Variants in PLEKHA4 observed in about 807,000 individuals in gnomAD.
PLEKHA4 encodes pleckstrin homology domain containing A4.
Under a neutral mutation model 94.7 loss-of-function variants are expected in PLEKHA4, and 73 were observed. That is an observed-to-expected ratio of 0.77 (90% CI 0.64 to 0.94). The LOEUF is 0.94. PLEKHA4 is among the 40% of genes least tolerant of loss of function. The pLI is 0.00. For synonymous variants in PLEKHA4, 449 were observed against 437.1 expected (o/e 1.03, Z -0.34); for missense variants, 1,049 against 1,054.1 (o/e 1.00, Z 0.07).
intron 12 of PLEKHA4, among the ~76,000 whole-genome samples, 198 bp downstream of exon 12, chr19:48,853,484 G>A (rs2036280517): frequency 1.4e-5 from 2 of 144,362 alleles, no homozygotes; most frequent in African/African-American, 5.6e-5. Flanking sequence ...GGGCGACAGA[G>A]CAAGACTCTG....
chr19:48,839,540 A>G (rs578110177), intron 17 of PLEKHA4, among the ~76,000 whole-genome samples: 42 of 152,168 alleles, frequency 2.8e-4, no homozygotes, highest in African/African-American at 9.6e-4. Flanking sequence ...CAGCCTCCTG[A>G]GTAAATAGAA....
In PLEKHA4 at chr19:48,844,804, CTTTTTTTT is replaced by C. The variant is rs149141709; in HGVS notation, c.1743+558_1743+565del. On this transcript the variant is annotated intron_variant, in intron 16 of 19. Transcript: ENST00000263265. The stretch of plus-strand genomic sequence containing the variant: ...CAGCATTCTGCTCCACTCAGGGTGT[CTTTTTTTT>C]TTTTTTTTTTTTTTTTTTTGAGACA... Among the ~76,000 whole-genome samples the C allele has an allele frequency of 7.1e-5, 5 of 70,838 alleles. 1 individual carries two copies. The highest frequency in any genetic ancestry group is 3.7e-4 in the Admixed American group (2 of 5,366). The allele number at this position is 70,838 out of a possible 152,430, so 46.5% of individuals were successfully genotyped here. A position where few individuals can be genotyped will look rare whatever the true frequency, so the allele number is the denominator to read the frequency against.
rs377304919 is a variant in PLEKHA4 at position 48,865,703 on chromosome 19, T to C, written c.85-93A>G. The C allele has an allele frequency of 2.2e-4, 179 of 812,306 alleles. 1 individual carries two copies. The highest frequency in any genetic ancestry group is 2.1e-3 in the South Asian group (127 of 60,654). The allele number at this position is 812,306 out of a possible 1,614,324, so 50.3% of individuals were successfully genotyped here. A position where few individuals can be genotyped will look rare whatever the true frequency, so the allele number is the denominator to read the frequency against. On this transcript the variant is annotated intron_variant, in intron 2 of 19. Transcript: ENST00000263265. ...GACACAGGCAACCGTAGGCTCTCGCTTGGCTGCCCTGAGAAATGGGTCAAG... is the reference window on the plus strand; with the variant it reads ...GACACAGGCAACCGTAGGCTCTCGCCTGGCTGCCCTGAGAAATGGGTCAAG...
intron 16 of PLEKHA4, 180 bp downstream of exon 16, chr19:48,845,190 G>T: frequency 1.6e-6 from 1 of 619,960 alleles, no homozygotes. Context: ...TTTAATAACT[G>T]ACCCAAAGTC....
intron 3 of PLEKHA4, among the ~76,000 whole-genome samples, chr19:48,864,118 C>G (rs1411509309): frequency 6.6e-6 from 1 of 152,052 alleles, no homozygotes; most frequent in Non-Finnish European, 1.5e-5. Context: ...CACTTGACAC[C>G]AAGGTTTTGC....
chr19:48,861,985 GGT>G (rs1445736870), intron 3 of PLEKHA4, among the ~76,000 whole-genome samples: 1 of 151,738 alleles, frequency 6.6e-6, no homozygotes, highest in Non-Finnish European at 1.5e-5. Flanking sequence ...AAATTAGCCA[GGT>G]GTGGTGGCGC....
intron 18 of PLEKHA4, chr19:48,838,353 C>G: frequency 3.0e-6 from 1 of 334,708 alleles, no homozygotes; most frequent in South Asian, 6.7e-5. Flanking sequence ...GGATGGATAC[C>G]CTATTCCCGA....
At chr19:48,866,875 G>A (rs901378349) in intron 2 of PLEKHA4, among the ~76,000 whole-genome samples, 10 of 152,246 alleles carry the variant, frequency 6.6e-5, no homozygotes, top group African/African-American at 2.2e-4. Flanking sequence ...AGTACAAGGA[G>A]AGGAAGCCTC....
intron 14 of PLEKHA4, 79 bp downstream of exon 14, chr19:48,847,821 G>A: frequency 6.9e-7 from 1 of 1,443,804 alleles, no homozygotes; most frequent in Non-Finnish European, 9.2e-7. Context: ...AAGAATTAAA[G>A]AGGTGGGTGG....
At chr19:48,839,753 A>G (rs2035679485) in intron 17 of PLEKHA4, among the ~76,000 whole-genome samples, 1 of 152,026 alleles carries the variant, frequency 6.6e-6, no homozygotes, top group Non-Finnish European at 1.5e-5. Context: ...ACATGAGTTC[A>G]GAAATCCCAC....
Position 48,857,408 on chromosome 19 carries a change from TC to T in PLEKHA4, c.1047+13del. ...GGGGGCTCCGGTAGATTTAGGGTAC[TC>T]CAGGATACCTACCAATAAAACCATG... On this transcript the variant is annotated intron_variant, in intron 9 of 19. Coordinates refer to ENST00000263265, the MANE Select transcript of PLEKHA4 (RefSeq NM_020904.3). The T allele has an allele frequency of 6.9e-7, 1 of 1,452,528 alleles. No individual in the cohort carries two copies. The highest frequency in any genetic ancestry group is 9.4e-7 in the Non-Finnish European group (1 of 1,069,358). The allele number at this position is 1,452,528 out of a possible 1,614,324, so 90.0% of individuals were successfully genotyped here.
chr19:48,848,190 GAAA>G (rs970235543), intron 13 of PLEKHA4, 150 bp from the exon 14 acceptor site: 1 of 962,646 alleles, frequency 1.0e-6, no homozygotes, highest in Non-Finnish European at 1.5e-6. Context: ...CAGTTGAATT[GAAA>G]AAAACTGTCT....
rs565005108 is a variant in PLEKHA4, at chr19:48,842,816, A to T, written c.1744-1506T>A. 7.9e-5 allele frequency among the ~76,000 whole-genome samples: 12 copies of T among 152,290 alleles called. No individual in the cohort carries two copies. The East Asian group carries it at 2.3e-3, about 29-fold the overall frequency. On this transcript the variant is annotated intron_variant, in intron 16 of 19. Transcript: ENST00000263265. ...CACACAGTAACCTCTGGAGGGTCTC[A>T]CACTGGGTGTGACTCCCCCATAGAC...
In PLEKHA4 at chr19:48,867,589, C is replaced by T. The variant is rs749089513; in HGVS notation, c.32G>A (p.Ser11Asn). The part of the protein sequence containing the change: MEGSRPRSSL[S>N]LASSASTISS... ...GATGGTGGAGGCGCTGCTGGCCAGGCTCAGGCTGCTGCGAGGTCGGCTCCC... is the reference window on the plus strand; with the variant it reads ...GATGGTGGAGGCGCTGCTGGCCAGGTTCAGGCTGCTGCGAGGTCGGCTCCC... Residue 11 changes from serine to asparagine, a missense_variant, in exon 2 of 20, where the codon AGC (serine) becomes AAC (asparagine). Ser to Asn is a conservative substitution (Grantham distance 46). Transcript: ENST00000263265. This position sits in a 1 kb window ranked among gnomAD's most constrained non-coding sequence, Gnocchi z 4.7. 4 of 1,601,784 alleles carry T rather than the reference C, an allele frequency of 2.5e-6. No homozygotes were observed. Among genetic ancestry groups the T allele is most frequent in the Non-Finnish European group, 3.4e-6 (4 of 1,176,282 alleles).
chr19:48,854,212 C>T lies in PLEKHA4; in HGVS notation c.1095+5G>A, dbSNP rs2036315334. On this transcript the variant is annotated splice_donor_5th_base_variant and intron_variant, in intron 10 of 19. Coordinates refer to ENST00000263265, the MANE Select transcript of PLEKHA4 (RefSeq NM_020904.3). ...TCAGCAAGGATTAGATCAGTGACAACTTACATCTGTCTCCAAGCTTTGGTG... is the reference window on the plus strand; with the variant it reads ...TCAGCAAGGATTAGATCAGTGACAATTTACATCTGTCTCCAAGCTTTGGTG... The T allele has an allele frequency of 6.2e-7, 1 of 1,614,050 alleles. No homozygotes were observed. The highest frequency in any genetic ancestry group is 8.5e-7 in the Non-Finnish European group (1 of 1,179,914).
intron 12 of PLEKHA4, 111 bp from the exon 13 acceptor site, chr19:48,852,437 C>A (rs2036235745): frequency 1.3e-6 from 1 of 790,628 alleles, no homozygotes; most frequent in Non-Finnish European, 2.1e-6. Flanking sequence ...GTCCCTGGAG[C>A]CCTGCAGGCG....
intron 14 of PLEKHA4, 91 bp downstream of exon 14, chr19:48,847,809 G>T: frequency 7.1e-7 from 1 of 1,414,916 alleles, no homozygotes. Context: ...AGCTGATCAA[G>T]GAAGAATTAA....
At chr19:48,844,620 T>C (rs2035895664) in intron 16 of PLEKHA4, 2 of 985,102 alleles carry the variant, frequency 2.0e-6, no homozygotes, top group South Asian at 9.4e-5. Context: ...TCCGTACTTC[T>C]GAAAATCAGC....
chr19:48,845,613 G>A lies in PLEKHA4; in HGVS notation c.1570C>T (p.Leu524=). The change falls in exon 15 of 20, where the codon CTG becomes TTG. Residue 524 remains leucine, a synonymous_variant. Transcript: ENST00000263265. ...GAGCTCAGTTCCAAGGACTCTGGCA[G>A]GCTCTGCGGGGATTAGAAAAGGGGG... The part of the protein sequence containing the change: ...QGEESSERES[L]PESLELSSPR... 6.4e-7 allele frequency: 1 copy of A among 1,566,498 alleles called. No homozygotes were observed. The highest frequency in any genetic ancestry group is 8.6e-7 in the Non-Finnish European group (1 of 1,158,236).
Sources: gnomAD v4.1 joint callset for allele counts (sites outside exome capture counted in the v4.1 genomes callset) on GRCh38, gnomAD v4.1.1 for gene constraint, Gnocchi (gnomAD v3.1) non-coding constraint, MANE v1.5 for transcripts, NCBI Gene and HGNC (gene_info 2026-07-23, HGNC 2026-07-21) for gene names.